The following NUP50 variants were observed in gnomAD, a reference collection of about 807,000 sequenced individuals.
The protein encoded by NUP50 is nuclear pore complex protein Nup50.
A neutral mutation model predicts 36.8 loss-of-function variants in NUP50; 14 were observed. The ratio of observed to expected loss-of-function variants is 0.38; its 90% CI spans 0.25 to 0.59. The LOEUF is 0.59. NUP50 is among the 20% of genes least tolerant of loss of function. The pLI, the probability that NUP50 is intolerant of heterozygous loss-of-function variation, is 0.63. For missense variants in NUP50, 455 were observed against 564.6 expected (o/e 0.81, Z 1.97); for synonymous variants, 195 against 210.8 (o/e 0.93, Z 0.65).
rs1265037944 is a variant in NUP50, at chr22:45,185,878, A to G, written c.*1223A>G. Reference sequence around the variant, plus strand: ...TTAAATTTCCACTGAGTCCTCATGAATCATTTGAGACTAGTACCAGCTGAT... The same window carrying G: ...TTAAATTTCCACTGAGTCCTCATGAGTCATTTGAGACTAGTACCAGCTGAT... On this transcript the variant is annotated 3_prime_UTR_variant, in exon 8 of 8. Coordinates refer to ENST00000347635, the MANE Select transcript of NUP50 (RefSeq NM_007172.4). 1 of 152,132 alleles carries G rather than the reference A, an allele frequency of 6.6e-6. No individual in the cohort carries two copies. Among genetic ancestry groups the G allele is most frequent in the Non-Finnish European group, 1.5e-5 (1 of 68,038 alleles). 9.4% of individuals were successfully genotyped at this position (152,132 alleles called of 1,614,324 possible). A position where few individuals can be genotyped will look rare whatever the true frequency, so the allele number is the denominator to read the frequency against.
In NUP50 at chr22:45,167,176, A is replaced by T. The variant is rs73432269; in HGVS notation, c.-10-992A>T. Among the ~76,000 whole-genome samples the T allele has an allele frequency of 6.6e-3, 1,005 of 152,306 alleles. 9 individuals carry two copies. The highest frequency in any genetic ancestry group is 0.023 in the African/African-American group (952 of 41,574). ...AGCAAACAAGAGTGGGGAGAGTATC[A>T]CGAAGGAGTTCAGGCAGGTTTAACA... On this transcript the variant is annotated intron_variant, in intron 1 of 7. Coordinates refer to ENST00000347635, the MANE Select transcript of NUP50 (RefSeq NM_007172.4).
chr22:45,165,902 C>T (rs2074087530), intron 1 of NUP50: 1 of 152,180 alleles, frequency 6.6e-6, no homozygotes. Flanking sequence ...ATATAACTTG[C>T]CCAAGTTCTC....
rs226524 is a variant in NUP50 at position 45,181,350 on chromosome 22, T to C, written c.1068T>C (p.Asp356=). The stretch of plus-strand genomic sequence containing the variant: ...TAGTTACCGAAGTAAAAGAAGAAGA[T>C]GCTTTTTACTCCAAAAAGTAAGAAT... ...KVVVTEVKEE[D]AFYSKKCKLF... is the part of the protein sequence containing the mutation. Residue 356 remains aspartate, a synonymous_variant, in exon 6 of 8, where the codon GAT becomes GAC. Transcript: ENST00000347635. 270,263 of 1,581,202 alleles carry C rather than the reference T, an allele frequency of 0.17. 27,736 individuals are homozygous for C. The highest frequency in any genetic ancestry group is 0.54 in the East Asian group (22,723 of 41,960).
rs1882000741 is a variant in NUP50 at position 45,186,074 on chromosome 22, T to C, written c.*1419T>C. 1 of 152,246 alleles carries C rather than the reference T, an allele frequency of 6.6e-6. No homozygotes were observed. The highest frequency in any genetic ancestry group is 1.5e-5 in the Non-Finnish European group (1 of 68,042). 9.4% of individuals were successfully genotyped at this position (152,246 alleles called of 1,614,324 possible). ...GTAAGGTTTGGCGCCGGGAGCAATTTTATGATCAAATATGATGAACTCCTA... is the reference window on the plus strand; with the variant it reads ...GTAAGGTTTGGCGCCGGGAGCAATTCTATGATCAAATATGATGAACTCCTA... On this transcript the variant is annotated 3_prime_UTR_variant, in exon 8 of 8. Coordinates refer to ENST00000347635, the MANE Select transcript of NUP50 (RefSeq NM_007172.4).
Position 45,186,690 on chromosome 22 carries a change from T to C in NUP50, c.*2035T>C, listed in dbSNP as rs1235151574. 1.3e-5 allele frequency: 2 copies of C among 152,690 alleles called. No individual in the cohort carries two copies. Among genetic ancestry groups the C allele is most frequent in the Non-Finnish European group, 2.9e-5 (2 of 68,044 alleles). The allele number at this position is 152,690 out of a possible 1,614,324, so 9.5% of individuals were successfully genotyped here. ...AGTAGGTATGTGTGGCTTCCTTTTT[T>C]CCTAACATTCCCAGCAAATTTTTGC... On this transcript the variant is annotated 3_prime_UTR_variant, in exon 8 of 8. Coordinates refer to ENST00000347635, the MANE Select transcript of NUP50 (RefSeq NM_007172.4).
At position 45,181,339 on chromosome 22, in the gene NUP50, A is replaced by G. The variant is rs1569055800; in HGVS notation, c.1057A>G (p.Lys353Glu). 2 of 1,590,684 alleles carry G rather than the reference A, an allele frequency of 1.3e-6. No homozygotes were observed. The highest frequency in any genetic ancestry group is 2.3e-5 in the East Asian group (1 of 43,180). ...ACCCAAAGTAGTAGTTACCGAAGTA[A>G]AAGAAGAAGATGCTTTTTACTCCAA... is the stretch of plus-strand genomic sequence containing the variant. ...EPPKVVVTEV[K>E]EEDAFYSKKC... is the part of the protein sequence containing the mutation. The change falls in exon 6 of 8, where the codon AAA (lysine) becomes GAA (glutamate). Residue 353 changes from lysine (K) to glutamate (E), a missense_variant. Coordinates refer to ENST00000347635, the MANE Select transcript of NUP50 (RefSeq NM_007172.4).
At chr22:45,183,325 G>A in intron 6 of NUP50, 77 bp from the exon 7 acceptor site, 2 of 819,430 alleles carry the variant, frequency 2.4e-6, no homozygotes, top group Non-Finnish European at 4.2e-6. Flanking sequence ...ACACAAGTGT[G>A]AAGAGTGGTT....
At chr22:45,169,212 T>C (rs1211837966) in intron 2 of NUP50, among the ~76,000 whole-genome samples, 1 of 152,134 alleles carries the variant, frequency 6.6e-6, no homozygotes, top group African/African-American at 2.4e-5. Context: ...CCCCAAAAAA[T>C]TGTTTTAATT....
At chr22:45,183,825 T>A in intron 7 of NUP50, 1 of 297,668 alleles carries the variant, frequency 3.4e-6, no homozygotes, top group East Asian at 7.6e-5. Context: ...GGAATCCTTT[T>A]TATATAGCAA....
rs2074411662 is a variant in NUP50, at chr22:45,183,317, A to G, written c.1086-85A>G. On this transcript the variant is annotated intron_variant, in intron 6 of 7. Transcript: ENST00000347635. The stretch of plus-strand genomic sequence containing the variant: ...TACTCATTTAATAGAGATTTTCCAC[A>G]CAAGTGTGAAGAGTGGTTGTTAGAA... The G allele has an allele frequency of 1.2e-5, 9 of 769,500 alleles. No homozygotes were observed. In the East Asian group the frequency reaches 2.2e-4, roughly 19 times the overall value. The allele number at this position is 769,500 out of a possible 1,614,324, so 47.7% of individuals were successfully genotyped here.
In NUP50 at chr22:45,176,077, T is replaced by G. The variant is rs2074272749; in HGVS notation, c.337T>G (p.Phe113Val). The G allele has an allele frequency of 6.2e-7, 1 of 1,612,822 alleles. No homozygotes were observed. Among genetic ancestry groups the G allele is most frequent in the African/African-American group, 1.3e-5 (1 of 74,876 alleles). The change falls in exon 4 of 8, where the codon TTT (phenylalanine) becomes GTT (valine). Residue 113 changes from phenylalanine (F) to valine (V), a missense_variant. This residue lies in a region of NUP50 where 166 missense variants were observed against 202.8 expected (regional missense o/e 0.82). Coordinates refer to ENST00000347635, the MANE Select transcript of NUP50 (RefSeq NM_007172.4). ...GGCAGCGGCAGATCCCAAGGTAGCC[T>G]TTGGTAAGTAGCTCCCATCCCCCAG... is the stretch of plus-strand genomic sequence containing the variant. ...AKAAADPKVA[F>V]GSLAANGPTT...
At chr22:45,180,581 T>G (rs1232814790) in intron 5 of NUP50, among the ~76,000 whole-genome samples, 2 of 152,164 alleles carry the variant, frequency 1.3e-5, no homozygotes, top group Admixed American at 6.5e-5. Flanking sequence ...TCTCACCATG[T>G]TGACCAGACT....
chr22:45,176,424 G>A (rs1381655527), intron 4 of NUP50, among the ~76,000 whole-genome samples: 1 of 152,180 alleles, frequency 6.6e-6, no homozygotes, highest in Admixed American at 6.5e-5. Context: ...TAGACCCTTT[G>A]TGTGCCAAGG....
chr22:45,179,245 T>A, intron 5 of NUP50: 1 of 218,726 alleles, frequency 4.6e-6, no homozygotes, highest in Non-Finnish European at 9.0e-6. Context: ...AAGTTCATCA[T>A]GAATGTCCCC....
intron 2 of NUP50, among the ~76,000 whole-genome samples, chr22:45,171,364 T>C (rs928482155): frequency 6.6e-6 from 1 of 152,178 alleles, no homozygotes; most frequent in African/African-American, 2.4e-5. Context: ...CATGCCCAGC[T>C]AATTTTTCAT....
intron 2 of NUP50, among the ~76,000 whole-genome samples, chr22:45,170,373 G>C (rs1490722799): frequency 6.6e-6 from 1 of 152,120 alleles, no homozygotes; most frequent in African/African-American, 2.4e-5. Context: ...GGACTCTACA[G>C]TCGTACCTTA....
intron 6 of NUP50, among the ~76,000 whole-genome samples, chr22:45,181,587 G>C (rs999624315): frequency 7.0e-6 from 1 of 143,344 alleles, no homozygotes. Context: ...TGTCACTTTA[G>C]CTCTTTTAAA....
intron 6 of NUP50, among the ~76,000 whole-genome samples, chr22:45,183,138 CAG>C (rs2074408908): frequency 6.7e-6 from 1 of 148,762 alleles, no homozygotes; most frequent in Non-Finnish European, 1.5e-5. Flanking sequence ...CTTGAGAACA[CAG>C]TTTCAGAAAG....
Position 45,185,311 on chromosome 22 carries a change from T to G in NUP50, c.*656T>G, listed in dbSNP as rs546715213. The G allele has an allele frequency of 6.5e-6, 1 of 153,066 alleles. No individual in the cohort carries two copies. Among genetic ancestry groups the G allele is most frequent in the Non-Finnish European group, 1.5e-5 (1 of 68,480 alleles). The allele number at this position is 153,066 out of a possible 1,614,324, so 9.5% of individuals were successfully genotyped here. On this transcript the variant is annotated 3_prime_UTR_variant, in exon 8 of 8. Transcript: ENST00000347635. ...AGAAATGAACAGCTTGTGAAGGAGT[T>G]TTTTGGCTTCATAGTTTCTATTCAT... is the stretch of plus-strand genomic sequence containing the variant.
Sources: gnomAD v4.1 joint callset for allele counts (sites outside exome capture counted in the v4.1 genomes callset) on GRCh38, gnomAD v4.1.1 for gene constraint, gnomAD v4.1.1 regional missense constraint, MANE v1.5 for transcripts, NCBI Gene and HGNC (gene_info 2026-07-23, HGNC 2026-07-21) for gene names.